TMC3: variants seen among roughly 807,000 people sequenced by gnomAD.
The protein encoded by TMC3 is transmembrane channel like 3, also known as transmembrane channel-like protein 3.
In TMC3, 98 loss-of-function variants were observed where a neutral mutation model predicts 110.6. The observed-to-expected ratio is 0.89, with a 90% confidence interval of 0.75 to 1.05. TMC3 has a LOEUF of 1.05. Ranked by LOEUF, TMC3 falls within the 50% of genes least tolerant of loss-of-function variation. TMC3 has a pLI of 0.00. For synonymous variants in TMC3, 489 were observed against 513.1 expected (o/e 0.95, Z 0.63); for missense variants, 1,319 against 1,373.2 (o/e 0.96, Z 0.62).
rs537635205 is a variant in TMC3, at chr15:81,351,690, G to C, written c.1083+4C>G. The C allele has an allele frequency of 1.0e-5, 16 of 1,552,600 alleles. No individual in the cohort carries two copies. Among genetic ancestry groups the C allele is most frequent in the African/African-American group, 1.4e-5 (1 of 73,034 alleles). On this transcript the variant is annotated splice_donor_region_variant and intron_variant, in intron 10 of 21. Transcript: ENST00000359440. ...AGGGTGCTGCAGGTAATGGCAGTGG[G>C]TACCTCATTCTTTTCCCAAAGTGTC...
At chr15:81,336,782 C>G in intron 19 of TMC3, 131 bp from the exon 20 acceptor site, 1 of 913,768 alleles carries the variant, frequency 1.1e-6, no homozygotes. Flanking sequence ...ACTACTATTG[C>G]CCCCTATGGA....
chr15:81,360,971 TC>T (rs1267764834), intron 4 of TMC3, among the ~76,000 whole-genome samples: 1 of 140,222 alleles, frequency 7.1e-6, no homozygotes, highest in East Asian at 2.0e-4. Flanking sequence ...TACGGTTTTC[TC>T]TTTTTTTTTT....
chr15:81,332,118 G>T lies in TMC3; in HGVS notation c.*301C>A. ...GCCTCAGTCTCTCCTTCTGTCTTGA[G>T]CCCCTCTGCCAAATTCTTTCTTCCG... On this transcript the variant is annotated 3_prime_UTR_variant, in exon 22 of 22. Coordinates refer to ENST00000359440, the MANE Select transcript of TMC3 (RefSeq NM_001080532.3). 3.1e-6 allele frequency: 1 copy of T among 323,756 alleles called. No homozygotes were observed. The highest frequency in any genetic ancestry group is 5.7e-6 in the Non-Finnish European group (1 of 176,282). 20.1% of individuals were successfully genotyped at this position (323,756 alleles called of 1,614,324 possible). A position where few individuals can be genotyped will look rare whatever the true frequency, so the allele number is the denominator to read the frequency against.
In TMC3 at chr15:81,374,132, C is replaced by T; in HGVS notation, c.-55G>A. Reference sequence around the variant, plus strand: ...GCTGGCCAGAGAGCTAGGAAGTTGGCAGGCAAAGGTCTGTTCCGAGGTTTC... The same window carrying T: ...GCTGGCCAGAGAGCTAGGAAGTTGGTAGGCAAAGGTCTGTTCCGAGGTTTC... On this transcript the variant is annotated 5_prime_UTR_variant, in exon 1 of 22. Transcript: ENST00000359440. 2 of 1,521,040 alleles carry T rather than the reference C, an allele frequency of 1.3e-6. No individual in the cohort carries two copies. The highest frequency in any genetic ancestry group is 1.8e-6 in the Non-Finnish European group (2 of 1,101,752). The allele number at this position is 1,521,040 out of a possible 1,614,324, so 94.2% of individuals were successfully genotyped here. A position where few individuals can be genotyped will look rare whatever the true frequency, so the allele number is the denominator to read the frequency against.
chr15:81,369,842 CT>C (rs1306124324), intron 2 of TMC3, among the ~76,000 whole-genome samples: 1 of 152,162 alleles, frequency 6.6e-6, no homozygotes, highest in Non-Finnish European at 1.5e-5. Context: ...GGGAAGATCA[CT>C]TGAGCCCAGG....
At chr15:81,348,535 G>A (rs867344951) in intron 11 of TMC3, among the ~76,000 whole-genome samples, 53 of 152,300 alleles carry the variant, frequency 3.5e-4, no homozygotes, top group African/African-American at 1.3e-3. Flanking sequence ...GTCTCAGGAC[G>A]TCCCCTCAGG....
rs752713862 is a variant in TMC3 at position 81,334,943 on chromosome 15, T to C, written c.2236A>G (p.Lys746Glu). ...GTAAGATCACTGTCGTTTGGAAGCT[T>C]CTTGGTGCTTTCTTCCTGGGTCTGG... Reference protein sequence around the residue: ...RIQTQEESTKKLPNDSDLTSQ... With the variant: ...RIQTQEESTKELPNDSDLTSQ... Residue 746 changes from lysine (K) to glutamate (E), a missense_variant, in exon 21 of 22, where the codon AAG (lysine) becomes GAG (glutamate). Physicochemically the swap from Lys to Glu is moderately conservative, Grantham distance 56. Coordinates refer to ENST00000359440, the MANE Select transcript of TMC3 (RefSeq NM_001080532.3). The C allele has an allele frequency of 5.0e-6, 8 of 1,613,894 alleles. No homozygotes were observed. Among genetic ancestry groups the C allele is most frequent in the Non-Finnish European group, 6.8e-6 (8 of 1,179,892 alleles).
chr15:81,372,854 T>C, intron 1 of TMC3, 117 bp from the exon 2 acceptor site: 1 of 995,982 alleles, frequency 1.0e-6, no homozygotes, highest in African/African-American at 1.7e-5. Context: ...CTGTATGAAA[T>C]GTGTATGTGT....
Position 81,349,525 on chromosome 15 carries a change from C to G in TMC3, c.1126G>C (p.Ala376Pro). ...VSLVTMIAPS[A>P]FDLIAALEMY... is the part of the protein sequence containing the mutation. Reference sequence around the variant, plus strand: ...TCTAAGGCAGCAATGAGGTCAAAGGCTGATGGTGCTATCATGGTGACGAGG... The same window carrying G: ...TCTAAGGCAGCAATGAGGTCAAAGGGTGATGGTGCTATCATGGTGACGAGG... The change falls in exon 11 of 22, where the codon GCC becomes CCC. Residue 376 changes from alanine (A) to proline (P), a missense_variant. Transcript: ENST00000359440. 1 of 1,561,148 alleles carries G rather than the reference C, an allele frequency of 6.4e-7. No individual in the cohort carries two copies. Among genetic ancestry groups the G allele is most frequent in the Non-Finnish European group, 8.7e-7 (1 of 1,152,332 alleles).
chr15:81,337,300 C>T (rs1893618167), intron 19 of TMC3, among the ~76,000 whole-genome samples: 1 of 152,120 alleles, frequency 6.6e-6, no homozygotes, highest in Admixed American at 6.5e-5. Flanking sequence ...ACTAAGGGAA[C>T]ACCTGGGGTA....
chr15:81,346,377 G>A lies in TMC3; in HGVS notation c.1260C>T (p.Ser420=), dbSNP rs1203549130. Residue 420 remains serine, a synonymous_variant, in exon 12 of 22, where the codon AGC becomes AGT. Transcript: ENST00000359440. ...GATGGGCACTCACCTCAATGCTCAT[G>A]CTGTTAACTTTGTCCAGGAGAGCAA... ...LIIALLDKVN[S]MSIEEMATKN... 21 of 1,613,734 alleles carry A rather than the reference G, an allele frequency of 1.3e-5. No homozygotes were observed. The highest frequency in any genetic ancestry group is 1.8e-5 in the Non-Finnish European group (21 of 1,179,810).
chr15:81,342,370 A>G lies in TMC3; in HGVS notation c.1716-852T>C, dbSNP rs571595562. ...TTATCTGTTGGATGTTAGGCAAGAC[A>G]CTAAGCTTCTCTGCACTTCAGTTTT... On this transcript the variant is annotated intron_variant, in intron 15 of 21. Coordinates refer to ENST00000359440, the MANE Select transcript of TMC3 (RefSeq NM_001080532.3). 2.5e-3 allele frequency among the ~76,000 whole-genome samples: 379 copies of G among 152,358 alleles called. 2 individuals carry two copies. Among genetic ancestry groups the G allele is most frequent in the African/African-American group, 8.8e-3 (368 of 41,588 alleles).
Position 81,374,179 on chromosome 15 carries a change from G to T in TMC3, c.-102C>A. The T allele has an allele frequency of 4.0e-6, 4 of 994,830 alleles. No homozygotes were observed. Among genetic ancestry groups the T allele is most frequent in the Non-Finnish European group, 6.2e-6 (4 of 646,256 alleles). 61.6% of individuals were successfully genotyped at this position (994,830 alleles called of 1,614,324 possible). ...TTTCTGAATGGAAGCAGCGGAGTTT[G>T]CTCTGCCCGCTAGTTCTCAGGAAGA... is the stretch of plus-strand genomic sequence containing the variant. On this transcript the variant is annotated 5_prime_UTR_variant, in exon 1 of 22. Transcript: ENST00000359440.
chr15:81,363,168 T>A (rs1404613031), intron 3 of TMC3, among the ~76,000 whole-genome samples: 1 of 151,956 alleles, frequency 6.6e-6, no homozygotes, highest in South Asian at 2.1e-4. Flanking sequence ...GAAGAATCGC[T>A]TGAACCCGGG....
At chr15:81,373,856 G>A (rs1035666863) in intron 1 of TMC3, 133 bp downstream of exon 1, 1 of 786,998 alleles carries the variant, frequency 1.3e-6, no homozygotes, top group African/African-American at 1.7e-5. Context: ...ACAACCTGGA[G>A]AAGTGAGTTT....
chr15:81,339,742 A>G (rs1295322726), intron 16 of TMC3, among the ~76,000 whole-genome samples: 1 of 152,194 alleles, frequency 6.6e-6, no homozygotes, highest in Non-Finnish European at 1.5e-5. Flanking sequence ...TCTAATAAAC[A>G]TTTGCTGAGC....
intron 9 of TMC3, among the ~76,000 whole-genome samples, chr15:81,353,417 C>A (rs960825910): frequency 6.6e-6 from 1 of 152,210 alleles, no homozygotes; most frequent in Non-Finnish European, 1.5e-5. Flanking sequence ...TTCACATTCA[C>A]TAATCACTCA....
At chr15:81,336,771 T>A in intron 19 of TMC3, 120 bp from the exon 20 acceptor site, 1 of 1,019,042 alleles carries the variant, frequency 9.8e-7, no homozygotes, top group Non-Finnish European at 1.5e-6. Context: ...ACCATAACTG[T>A]ACTACTATTG....
chr15:81,336,640 C>T lies in TMC3; in HGVS notation c.2172G>A (p.Glu724=). ...CCATCTGGGCAACCTTTTTCTTATC[C>T]TCTGATCTTGCCTAAAATGCAAATG... ...LKMQIQNARS[E]DKKKVAQMVE... is the part of the protein sequence containing the mutation. Residue 724 remains glutamate, a synonymous_variant, in exon 20 of 22, where the codon GAG becomes GAA. Coordinates refer to ENST00000359440, the MANE Select transcript of TMC3 (RefSeq NM_001080532.3). 2 of 1,613,904 alleles carry T rather than the reference C, an allele frequency of 1.2e-6. No homozygotes were observed. The highest frequency in any genetic ancestry group is 1.7e-6 in the Non-Finnish European group (2 of 1,179,862).
Sources: allele counts gnomAD v4.1 joint callset (sites outside exome capture counted in the v4.1 genomes callset), GRCh38; gene constraint gnomAD v4.1.1; transcripts MANE v1.5; gene names NCBI Gene and HGNC (gene_info 2026-07-23, HGNC 2026-07-21).